Variants in GRB14 observed in about 807,000 individuals in gnomAD.
The protein encoded by GRB14 is growth factor receptor-bound protein 14.
Under a neutral mutation model 69.1 loss-of-function variants are expected in GRB14, and 38 were observed. The ratio of observed to expected loss-of-function variants is 0.55; its 90% CI spans 0.42 to 0.72. GRB14 has a LOEUF of 0.72. GRB14 is among the 30% of genes least tolerant of loss of function. GRB14 has a pLI of 0.00. For missense variants in GRB14, 666 were observed against 666.1 expected (o/e 1.00, Z 0.00); for synonymous variants, 247 against 241.3 (o/e 1.02, Z -0.22).
rs908136806 is a variant in GRB14 at position 164,502,258 on chromosome 2, A to C, written c.1101T>G (p.Pro367=). ...RSGCSSQSIS[P]MRSISENSLV... ...GGCTCAAAAATTTGGTCCTTACCATAGGTGATATGCTCTGTGAACTGCAGC... is the reference window on the plus strand; with the variant it reads ...GGCTCAAAAATTTGGTCCTTACCATCGGTGATATGCTCTGTGAACTGCAGC... Residue 367 remains proline, a synonymous_variant, in exon 9 of 14, where the codon CCT becomes CCG. Coordinates refer to ENST00000263915, the MANE Select transcript of GRB14 (RefSeq NM_004490.3). 1 of 1,580,120 alleles carries C rather than the reference A, an allele frequency of 6.3e-7. No homozygotes were observed. Among genetic ancestry groups the C allele is most frequent in the African/African-American group, 1.3e-5 (1 of 74,230 alleles).
intron 2 of GRB14, among the ~76,000 whole-genome samples, chr2:164,580,099 T>C (rs1188322536): frequency 4.4e-4 from 4 of 9,068 alleles, no homozygotes; most frequent in East Asian, 2.4e-3. Context: ...ATGATACATT[T>C]TTTTTTTTTT....
chr2:164,580,514 G>C (rs957021362), intron 2 of GRB14, among the ~76,000 whole-genome samples: 6 of 151,910 alleles, frequency 3.9e-5, no homozygotes, highest in African/African-American at 1.4e-4. Flanking sequence ...AGACCAGCCT[G>C]GGCAACATGG....
At chr2:164,582,427 T>A (rs368804135) in intron 2 of GRB14, among the ~76,000 whole-genome samples, 24,212 of 143,072 alleles carry the variant, frequency 0.17, 2,227 homozygotes, top group African/African-American at 0.26. Context: ...ATTTATTATT[T>A]TTTTTTTTTT....
intron 9 of GRB14, among the ~76,000 whole-genome samples, chr2:164,499,734 G>C (rs1462072099): frequency 6.6e-6 from 1 of 152,092 alleles, no homozygotes; most frequent in African/African-American, 2.4e-5. Context: ...TCTTAGTGAG[G>C]CTGCACATAA....
chr2:164,614,123 A>C (rs985139384), intron 2 of GRB14, among the ~76,000 whole-genome samples: 2 of 152,200 alleles, frequency 1.3e-5, no homozygotes, highest in African/African-American at 4.8e-5. Context: ...AGCCTGCTTC[A>C]ACACTGCTAC....
Position 164,621,030 on chromosome 2 carries a change from G to A in GRB14, c.191+89C>T, listed in dbSNP as rs981400648. The A allele has an allele frequency of 1.7e-5, 19 of 1,115,600 alleles. No individual in the cohort carries two copies. Among genetic ancestry groups the A allele is most frequent in the Non-Finnish European group, 2.2e-5 (19 of 874,072 alleles). 69.1% of individuals were successfully genotyped at this position (1,115,600 alleles called of 1,614,324 possible). On this transcript the variant is annotated intron_variant, in intron 1 of 13. Transcript: ENST00000263915. The surrounding 1 kb of genome is among the most constrained non-coding windows in gnomAD (Gnocchi z 6.0). ...TTTTACAAACTTGGCCCAGCTCTGG[G>A]CACATGGCTCACCCCCTAGGACCGC...
At chr2:164,527,860 T>C (rs1373352513) in intron 3 of GRB14, among the ~76,000 whole-genome samples, 2 of 151,982 alleles carry the variant, frequency 1.3e-5, no homozygotes, top group Non-Finnish European at 2.9e-5. Flanking sequence ...ACATGCGAAA[T>C]TCCTATTTTT....
At chr2:164,549,981 T>C (rs1156532553) in intron 2 of GRB14, among the ~76,000 whole-genome samples, 2 of 151,994 alleles carry the variant, frequency 1.3e-5, no homozygotes, top group Non-Finnish European at 2.9e-5. Context: ...CCTAGTAACA[T>C]GGGTGATTTA....
At chr2:164,550,327 G>A (rs900982939) in intron 2 of GRB14, among the ~76,000 whole-genome samples, 6 of 152,144 alleles carry the variant, frequency 3.9e-5, no homozygotes, top group Non-Finnish European at 7.4e-5. Flanking sequence ...TAACCACATA[G>A]AAGACGCCTA....
chr2:164,537,855 C>A (rs976693246), intron 3 of GRB14, among the ~76,000 whole-genome samples: 1 of 152,150 alleles, frequency 6.6e-6, no homozygotes, highest in Non-Finnish European at 1.5e-5. Flanking sequence ...GAAGGAAGCA[C>A]AGTGCCACAT....
chr2:164,556,812 A>G (rs1688688554), intron 2 of GRB14, among the ~76,000 whole-genome samples: 1 of 152,154 alleles, frequency 6.6e-6, no homozygotes, highest in South Asian at 2.1e-4. Context: ...ATCAGGGACC[A>G]CTGTTTTCTC....
chr2:164,618,109 GGT>G, intron 2 of GRB14, among the ~76,000 whole-genome samples: 1 of 152,046 alleles, frequency 6.6e-6, no homozygotes, highest in Non-Finnish European at 1.5e-5. Context: ...TGGGACTACA[GGT>G]GCAGGCCACC....
chr2:164,598,545 G>A (rs1005785404), intron 2 of GRB14, among the ~76,000 whole-genome samples: 1 of 152,094 alleles, frequency 6.6e-6, no homozygotes, highest in African/African-American at 2.4e-5. Context: ...AAAATTGTTG[G>A]GCAGGGTATT....
chr2:164,556,325 T>C (rs1688676942), intron 2 of GRB14, among the ~76,000 whole-genome samples: 1 of 152,204 alleles, frequency 6.6e-6, no homozygotes, highest in Non-Finnish European at 1.5e-5. Flanking sequence ...GAAATCAGGT[T>C]GCAAGAAAAG....
intron 2 of GRB14, among the ~76,000 whole-genome samples, chr2:164,608,006 T>C (rs1007857010): frequency 6.6e-6 from 1 of 152,168 alleles, no homozygotes; most frequent in Admixed American, 6.5e-5. Context: ...TAATCCTCAC[T>C]CTCAAAAGCA....
intron 2 of GRB14, among the ~76,000 whole-genome samples, chr2:164,604,176 T>C (rs949395882): frequency 4.6e-5 from 7 of 152,208 alleles, no homozygotes; most frequent in African/African-American, 9.6e-5. Flanking sequence ...TGGCAATACC[T>C]AGTAGAACTG....
At chr2:164,594,208 C>A (rs1240620992) in intron 2 of GRB14, among the ~76,000 whole-genome samples, 1 of 151,760 alleles carries the variant, frequency 6.6e-6, no homozygotes, top group African/African-American at 2.4e-5. Flanking sequence ...TTGATGAAAA[C>A]CCTCTGCTCA....
intron 2 of GRB14, among the ~76,000 whole-genome samples, chr2:164,605,363 G>A (rs1690018421): frequency 1.3e-5 from 2 of 150,898 alleles, no homozygotes; most frequent in Admixed American, 6.6e-5. Flanking sequence ...AAGAGGAAGA[G>A]TATTCACTTG....
intron 2 of GRB14, among the ~76,000 whole-genome samples, chr2:164,579,404 T>C (rs1689336315): frequency 6.6e-6 from 1 of 152,128 alleles, no homozygotes; most frequent in South Asian, 2.1e-4. Context: ...CTTATTCCAG[T>C]TCAGGGTCAC....
Sources: gnomAD v4.1 joint callset for allele counts (sites outside exome capture counted in the v4.1 genomes callset) on GRCh38, gnomAD v4.1.1 for gene constraint, Gnocchi (gnomAD v3.1) non-coding constraint, MANE v1.5 for transcripts, NCBI Gene and HGNC (gene_info 2026-07-23, HGNC 2026-07-21) for gene names.